Variants in DPP10 observed in about 807,000 individuals in gnomAD.
The protein encoded by DPP10 is inactive dipeptidyl peptidase 10.
A neutral mutation model predicts 120.9 loss-of-function variants in DPP10; 33 were observed. The ratio of observed to expected loss-of-function variants is 0.27; its 90% CI spans 0.21 to 0.37. The LOEUF is 0.37. DPP10 is among the 10% of genes least tolerant of loss of function. DPP10 has a pLI of 1.00. For missense variants in DPP10, 816 were observed against 942.8 expected, an observed-to-expected ratio of 0.87 and a Z score of 1.76; for synonymous variants, 337 against 326.1, an observed-to-expected ratio of 1.03 and a Z score of -0.36.
intron 1 of DPP10, among the ~76,000 whole-genome samples, chr2:114,630,269 G>A (rs888336039): frequency 5.9e-5 from 9 of 152,064 alleles, no homozygotes; most frequent in Admixed American, 2.6e-4. Context: ...CTTACTGGTC[G>A]TGACCTCTTA....
At chr2:114,781,400 T>A (rs1682311193) in intron 1 of DPP10, among the ~76,000 whole-genome samples, 1 of 152,160 alleles carries the variant, frequency 6.6e-6, no homozygotes, top group Admixed American at 6.5e-5. Flanking sequence ...TGGTTATCCA[T>A]GGATGGTGGG....
intron 1 of DPP10, among the ~76,000 whole-genome samples, chr2:114,754,980 G>A (rs868278480): frequency 3.9e-5 from 6 of 152,202 alleles, no homozygotes; most frequent in Admixed American, 1.3e-4. Flanking sequence ...TAAATCACAC[G>A]TTATTTTGCA....
intron 7 of DPP10, among the ~76,000 whole-genome samples, chr2:115,717,393 A>AAAAT (rs955207522): frequency 3.9e-5 from 6 of 152,090 alleles, no homozygotes; most frequent in Non-Finnish European, 7.4e-5. Context: ...AAATAAATAA[A>AAAAT]AAATAAATAA....
At chr2:115,033,004 C>A (rs1364712505) in intron 1 of DPP10, among the ~76,000 whole-genome samples, 1 of 152,150 alleles carries the variant, frequency 6.6e-6, no homozygotes, top group Non-Finnish European at 1.5e-5. Flanking sequence ...TGATCCTACT[C>A]CTTTCCACAG....
At chr2:115,115,141 G>A (rs2049433974) in intron 1 of DPP10, among the ~76,000 whole-genome samples, 1 of 151,978 alleles carries the variant, frequency 6.6e-6, no homozygotes, top group South Asian at 2.1e-4. Context: ...GAGGTTTGCA[G>A]GAGGTGTTAT....
intron 1 of DPP10, among the ~76,000 whole-genome samples, chr2:114,474,765 G>C (rs1297675370): frequency 1.3e-5 from 2 of 152,212 alleles, no homozygotes; most frequent in Admixed American, 6.5e-5. Flanking sequence ...TTACTGAGTA[G>C]CTTTGTCCTC....
chr2:115,404,303 C>G (rs977357309), intron 3 of DPP10, among the ~76,000 whole-genome samples: 5 of 152,088 alleles, frequency 3.3e-5, no homozygotes, highest in Non-Finnish European at 4.4e-5. Context: ...TAAAAACACT[C>G]ACTATTGCAA....
intron 1 of DPP10, among the ~76,000 whole-genome samples, chr2:115,227,291 A>T (rs1031713812): frequency 1.3e-5 from 2 of 152,064 alleles, no homozygotes; most frequent in African/African-American, 2.4e-5. Flanking sequence ...TTTAGCAATA[A>T]TTTTTTTCTC....
At chr2:114,472,745 A>G (rs1328545777) in intron 1 of DPP10, among the ~76,000 whole-genome samples, 1 of 152,208 alleles carries the variant, frequency 6.6e-6, no homozygotes, top group East Asian at 1.9e-4. Context: ...TCTAGCTAGA[A>G]GAAACTTTTG....
chr2:114,926,741 G>T (rs1283455551), intron 1 of DPP10, among the ~76,000 whole-genome samples: 1 of 152,144 alleles, frequency 6.6e-6, no homozygotes, highest in Admixed American at 6.5e-5. Flanking sequence ...CCCTTGAACA[G>T]CCAGGTCAAA....
chr2:115,715,630 T>A (rs1440287104), intron 7 of DPP10, among the ~76,000 whole-genome samples: 1 of 152,212 alleles, frequency 6.6e-6, no homozygotes, highest in Non-Finnish European at 1.5e-5. Flanking sequence ...TCGCTATTGT[T>A]TCACAGACAC....
intron 21 of DPP10, among the ~76,000 whole-genome samples, chr2:115,832,938 C>A (rs1689085046): frequency 6.6e-6 from 1 of 152,044 alleles, no homozygotes; most frequent in African/African-American, 2.4e-5. Context: ...GCATAGAGGT[C>A]CCCTGAGAGT....
chr2:114,453,570 C>G (rs1320202457), intron 1 of DPP10, among the ~76,000 whole-genome samples: 1 of 152,040 alleles, frequency 6.6e-6, no homozygotes, highest in Non-Finnish European at 1.5e-5. Flanking sequence ...CCTTCAGGAG[C>G]GTTGTTCTCA....
chr2:114,613,494 G>A (rs922826512), intron 1 of DPP10, among the ~76,000 whole-genome samples: 14 of 152,148 alleles, frequency 9.2e-5, no homozygotes, highest in Admixed American at 7.2e-4. Context: ...TGGAGAAATA[G>A]GATTGCTTTT....
chr2:114,988,056 G>A (rs557692868), intron 1 of DPP10, among the ~76,000 whole-genome samples: 2 of 151,732 alleles, frequency 1.3e-5, no homozygotes, highest in African/African-American at 4.8e-5. Context: ...CGCCCGCCTC[G>A]GCCTCCCAAA....
chr2:115,134,061 C>T (rs2050521925), intron 1 of DPP10, among the ~76,000 whole-genome samples: 1 of 152,138 alleles, frequency 6.6e-6, no homozygotes, highest in African/African-American at 2.4e-5. Context: ...ATGTTATTAT[C>T]ATTTGGTTTG....
intron 3 of DPP10, among the ~76,000 whole-genome samples, chr2:115,428,334 T>G (rs2104749210): frequency 6.6e-6 from 1 of 152,324 alleles, no homozygotes; most frequent in South Asian, 2.1e-4. Flanking sequence ...GGTACCAATT[T>G]TCTGTATTGG....
chr2:114,806,084 G>A (rs1398398862), intron 1 of DPP10, among the ~76,000 whole-genome samples: 1 of 152,058 alleles, frequency 6.6e-6, no homozygotes, highest in Non-Finnish European at 1.5e-5. Context: ...CATTCCTCAG[G>A]AAATAAACAA....
At chr2:115,270,413 G>C (rs2059650007) in intron 1 of DPP10, among the ~76,000 whole-genome samples, 1 of 152,016 alleles carries the variant, frequency 6.6e-6, no homozygotes, top group African/African-American at 2.4e-5. Flanking sequence ...GAGGACCTGT[G>C]GGGCCATGCC....
Sources: gnomAD v4.1 joint callset for allele counts (sites outside exome capture counted in the v4.1 genomes callset) on GRCh38, gnomAD v4.1.1 for gene constraint, MANE v1.5 for transcripts, NCBI Gene and HGNC (gene_info 2026-07-23, HGNC 2026-07-21) for gene names.